GLG1: variants seen among roughly 807,000 people sequenced by gnomAD.
The protein encoded by GLG1 is golgi glycoprotein 1.
GLG1 carries 38 observed loss-of-function variants against 160.5 expected under a neutral mutation model. The observed-to-expected ratio is 0.24, with a 90% CI of 0.18 to 0.31. The LOEUF (loss-of-function observed/expected upper bound fraction) is 0.31, where lower values mean the gene tolerates loss of function less well. Ranked by LOEUF, GLG1 falls within the 10% of genes least tolerant of loss-of-function variation. The probability of loss-of-function intolerance (pLI) is 1.00; values close to 1 mark genes in which losing one functional copy is unlikely to be tolerated. For synonymous variants in GLG1, 644 were observed against 543.4 expected (o/e 1.19, Z -2.57); for missense variants, 1,373 against 1,505.2 (o/e 0.91, Z 1.45).
chr16:74,583,397 G>C (rs1466809557), intron 1 of GLG1, among the ~76,000 whole-genome samples: 1 of 152,002 alleles, frequency 6.6e-6, no homozygotes, highest in Non-Finnish European at 1.5e-5. Flanking sequence ...TTGGGGGGTT[G>C]GGCGCAGAGT....
intron 1 of GLG1, among the ~76,000 whole-genome samples, chr16:74,562,616 C>T (rs1211392371): frequency 6.6e-6 from 1 of 152,192 alleles, no homozygotes; most frequent in Non-Finnish European, 1.5e-5. Context: ...TGCGCCACCA[C>T]ACCCAGCTAA....
At chr16:74,477,977 A>AAAAAAAAAAAAT (rs55773213) in intron 11 of GLG1, among the ~76,000 whole-genome samples, 6 of 140,148 alleles carry the variant, frequency 4.3e-5, no homozygotes, top group South Asian at 5.5e-4. Flanking sequence ...CCGTCTCAAA[A>AAAAAAAAAAAAT]AAATAAATAA....
At chr16:74,491,259 T>TAACATTAC in intron 7 of GLG1, 44 bp from the exon 8 acceptor site, 1 of 1,296,124 alleles carries the variant, frequency 7.7e-7, no homozygotes, top group South Asian at 1.2e-5. Flanking sequence ...GGTGATGCTA[T>TAACATTAC]GTATTAGCAT....
At chr16:74,529,126 C>A (rs1309093144) in intron 2 of GLG1, among the ~76,000 whole-genome samples, 1 of 151,830 alleles carries the variant, frequency 6.6e-6, no homozygotes, top group African/African-American at 2.4e-5. Flanking sequence ...GCCACCACAC[C>A]CAGCTGATTT....
intron 1 of GLG1, among the ~76,000 whole-genome samples, chr16:74,551,570 G>A (rs183859082): frequency 5.9e-4 from 89 of 150,078 alleles, no homozygotes; most frequent in African/African-American, 2.0e-3. Flanking sequence ...TGTCCACCTC[G>A]GCCTCCCAAA....
chr16:74,572,996 G>A (rs767139088), intron 1 of GLG1, among the ~76,000 whole-genome samples: 9 of 152,164 alleles, frequency 5.9e-5, no homozygotes, highest in Non-Finnish European at 1.2e-4. Flanking sequence ...GGTATACACT[G>A]CAGAATTATC....
intron 4 of GLG1, among the ~76,000 whole-genome samples, chr16:74,497,514 T>A (rs1394594740): frequency 7.0e-6 from 1 of 142,976 alleles, no homozygotes; most frequent in Non-Finnish European, 1.5e-5. Flanking sequence ...CTCGGCTCAC[T>A]GCACGCTCCC....
rs554240236 is a variant in GLG1 at position 74,564,760 on chromosome 16, T to A, written c.439-32607A>T. 1.2e-3 allele frequency among the ~76,000 whole-genome samples: 180 copies of A among 152,328 alleles called. 1 individual carries two copies. Among genetic ancestry groups the A allele is most frequent in the African/African-American group, 4.3e-3 (177 of 41,576 alleles). ...CTAGGCATCAATAGGCTAGACCAGA[T>A]CAAACCTAAATGAAGTCACTCATGC... On this transcript the variant is annotated intron_variant, in intron 1 of 25. Coordinates refer to ENST00000422840, the MANE Select transcript of GLG1 (RefSeq NM_001145667.2).
At chr16:74,523,549 G>C (rs886971461) in intron 2 of GLG1, among the ~76,000 whole-genome samples, 10 of 152,056 alleles carry the variant, frequency 6.6e-5, no homozygotes, top group African/African-American at 2.2e-4. Flanking sequence ...ATAACACCAA[G>C]TCTTCCAACT....
chr16:74,605,584 T>C (rs1215502712), intron 1 of GLG1, among the ~76,000 whole-genome samples: 1 of 152,162 alleles, frequency 6.6e-6, no homozygotes, highest in East Asian at 1.9e-4. Flanking sequence ...CTTCCTTTCT[T>C]TCTGTCTCCT....
At chr16:74,559,326 C>T (rs1479675731) in intron 1 of GLG1, among the ~76,000 whole-genome samples, 2 of 151,426 alleles carry the variant, frequency 1.3e-5, no homozygotes, top group Admixed American at 1.3e-4. Flanking sequence ...AACTGTAATC[C>T]AAGCTACTCA....
chr16:74,600,989 T>G (rs983204241), intron 1 of GLG1, among the ~76,000 whole-genome samples: 1 of 152,158 alleles, frequency 6.6e-6, no homozygotes, highest in African/African-American at 2.4e-5. Context: ...CAATGATAGG[T>G]GTATAATAGA....
Position 74,456,643 on chromosome 16 carries a change from C to A in GLG1, c.3372+6G>T. ...TTTTAAAAAAGGAGATTCTCTTGGT[C>A]ATTACCTTTGCTGCGTAACTCCACA... On this transcript the variant is annotated splice_donor_region_variant and intron_variant, in intron 25 of 25. Coordinates refer to ENST00000422840, the MANE Select transcript of GLG1 (RefSeq NM_001145667.2). 1 of 1,564,816 alleles carries A rather than the reference C, an allele frequency of 6.4e-7. No homozygotes were observed. The highest frequency in any genetic ancestry group is 1.1e-5 in the South Asian group (1 of 87,772).
At chr16:74,510,626 C>A (rs1406101825) in intron 2 of GLG1, among the ~76,000 whole-genome samples, 1 of 152,122 alleles carries the variant, frequency 6.6e-6, no homozygotes, top group Non-Finnish European at 1.5e-5. Flanking sequence ...AAAATACAGT[C>A]ATCAATCACT....
In GLG1 at chr16:74,591,998, C is replaced by G. The variant is rs79626745; in HGVS notation, c.438+14659G>C. On this transcript the variant is annotated intron_variant, in intron 1 of 25. Transcript: ENST00000422840. Reference sequence around the variant, plus strand: ...CCTTCATAGTGTACACATTTAAATACCATGCATATATGTATGTATGTAGAG... The same window carrying G: ...CCTTCATAGTGTACACATTTAAATAGCATGCATATATGTATGTATGTAGAG... Among the ~76,000 whole-genome samples, 26 of 152,240 alleles carry G rather than the reference C, an allele frequency of 1.7e-4. No homozygotes were observed. The East Asian group carries it at 5.0e-3, about 29-fold the overall frequency.
At chr16:74,592,953 A>C (rs770590005) in intron 1 of GLG1, among the ~76,000 whole-genome samples, 1 of 152,118 alleles carries the variant, frequency 6.6e-6, no homozygotes, top group Non-Finnish European at 1.5e-5. Context: ...TGAATGGATT[A>C]ATGCCCTTAT....
chr16:74,560,708 A>G (rs1246817271), intron 1 of GLG1, among the ~76,000 whole-genome samples: 2 of 152,076 alleles, frequency 1.3e-5, no homozygotes, highest in African/African-American at 4.8e-5. Context: ...TGAGCTGGGC[A>G]TGGTGGCTTA....
chr16:74,544,036 A>C (rs2143666924), intron 1 of GLG1, among the ~76,000 whole-genome samples: 1 of 152,356 alleles, frequency 6.6e-6, no homozygotes, highest in Non-Finnish European at 1.5e-5. Flanking sequence ...AAGTGAAAGG[A>C]GATGGGCAGA....
At position 74,564,912 on chromosome 16, in the gene GLG1, C is replaced by G. The variant is rs542107872; in HGVS notation, c.439-32759G>C. Among the ~76,000 whole-genome samples the G allele has an allele frequency of 1.1e-4, 17 of 152,326 alleles. No homozygotes were observed. In the Middle Eastern group the frequency reaches 0.01, roughly 91 times the overall value. ...GAGGTTGCCCCTGCTCTAATCCCTA[C>G]AGAAAACTAACCTGAAGTCCTTGTT... On this transcript the variant is annotated intron_variant, in intron 1 of 25. Transcript: ENST00000422840.
Sources: allele counts gnomAD v4.1 joint callset (sites outside exome capture counted in the v4.1 genomes callset), GRCh38; gene constraint gnomAD v4.1.1; transcripts MANE v1.5; gene names NCBI Gene and HGNC (gene_info 2026-07-23, HGNC 2026-07-21).